Variants in PCCA observed in about 807,000 individuals in gnomAD.
The protein encoded by PCCA is propionyl-CoA carboxylase subunit alpha, also known as propionyl-CoA carboxylase alpha chain, mitochondrial.
In PCCA, 74 loss-of-function variants were observed where a neutral mutation model predicts 101.3. That is an observed-to-expected ratio of 0.73 (90% CI 0.61 to 0.89). The LOEUF is 0.89. Ranked by LOEUF, PCCA falls within the 40% of genes least tolerant of loss-of-function variation. The pLI, the probability that PCCA is intolerant of heterozygous loss-of-function variation, is 0.00. For missense variants in PCCA, 891 were observed against 907.0 expected, an observed-to-expected ratio of 0.98 and a Z score of 0.23; for synonymous variants, 294 against 313.6, an observed-to-expected ratio of 0.94 and a Z score of 0.66.
chr13:100,153,719 G>A (rs1448566745), intron 4 of PCCA, among the ~76,000 whole-genome samples: 3 of 152,090 alleles, frequency 2.0e-5, no homozygotes, highest in Non-Finnish European at 4.4e-5. Context: ...TGAACACAGG[G>A]ATATTTAGAA....
chr13:100,398,910 TG>T (rs1489020820), intron 19 of PCCA, among the ~76,000 whole-genome samples: 1 of 152,192 alleles, frequency 6.6e-6, no homozygotes, highest in Non-Finnish European at 1.5e-5. Flanking sequence ...TGAAGCATTT[TG>T]ATTCAAGAAG....
chr13:100,491,824 T>A, intron 21 of PCCA: 1 of 1,018,674 alleles, frequency 9.8e-7, no homozygotes. Context: ...GGTCCCTTTT[T>A]TTCTCTATTT....
chr13:100,398,309 A>T (rs1339411366), intron 19 of PCCA, among the ~76,000 whole-genome samples: 1 of 152,228 alleles, frequency 6.6e-6, no homozygotes, highest in Non-Finnish European at 1.5e-5. Context: ...AAATGATCAT[A>T]TATGCATACC....
At chr13:100,213,129 A>G (rs2059323046) in intron 7 of PCCA, among the ~76,000 whole-genome samples, 1 of 152,176 alleles carries the variant, frequency 6.6e-6, no homozygotes, top group Non-Finnish European at 1.5e-5. Flanking sequence ...TTAAAAATCC[A>G]TTCGTCTGTT....
At chr13:100,232,145 C>G (rs1252144462) in intron 7 of PCCA, among the ~76,000 whole-genome samples, 1 of 152,168 alleles carries the variant, frequency 6.6e-6, no homozygotes, top group Non-Finnish European at 1.5e-5. Context: ...CTGGCCAGAA[C>G]AGGGCCACGC....
At chr13:100,301,399 G>A in intron 12 of PCCA, 61 bp from the exon 13 acceptor site, 2 of 1,590,164 alleles carry the variant, frequency 1.3e-6, no homozygotes. Flanking sequence ...GATTTTTCTT[G>A]TTTGTTTCTA....
At chr13:100,399,285 T>C (rs577628324) in intron 19 of PCCA, among the ~76,000 whole-genome samples, 1 of 152,266 alleles carries the variant, frequency 6.6e-6, no homozygotes, top group Admixed American at 6.5e-5. Context: ...TATATTTTTG[T>C]TTGGCGTGAA....
chr13:100,311,383 A>G (rs910364573), intron 16 of PCCA, among the ~76,000 whole-genome samples: 7 of 152,188 alleles, frequency 4.6e-5, no homozygotes, highest in Non-Finnish European at 8.8e-5. Flanking sequence ...GGTTAAGTAT[A>G]TAAAGGGCTT....
In PCCA at chr13:100,527,851, G is replaced by A. The variant is rs546772273; in HGVS notation, c.2118+99G>A. 241 of 886,804 alleles carry A rather than the reference G, an allele frequency of 2.7e-4. 1 individual carries two copies. Among genetic ancestry groups the A allele is most frequent in the South Asian group, 7.0e-4 (54 of 76,622 alleles). 54.9% of individuals were successfully genotyped at this position (886,804 alleles called of 1,614,324 possible). On this transcript the variant is annotated intron_variant, in intron 23 of 23. Transcript: ENST00000376285. ...TTTGGCTGGAAAGGGCCACAGAGGC[G>A]CCCTCTCCCCCTCGCTTCTACAGAG... is the stretch of plus-strand genomic sequence containing the variant.
chr13:100,302,247 C>T (rs987156007), intron 13 of PCCA, among the ~76,000 whole-genome samples: 4 of 151,896 alleles, frequency 2.6e-5, no homozygotes, highest in South Asian at 2.1e-4. Context: ...TTTTACTTTT[C>T]GACATCAAAA....
At chr13:100,272,708 C>T (rs1319585739) in intron 11 of PCCA, among the ~76,000 whole-genome samples, 1 of 152,194 alleles carries the variant, frequency 6.6e-6, no homozygotes, top group African/African-American at 2.4e-5. Context: ...TTTTTCACCT[C>T]TCTGCACTTG....
At chr13:100,414,428 GTGTTA>G (rs2078229194) in intron 19 of PCCA, among the ~76,000 whole-genome samples, 1 of 152,168 alleles carries the variant, frequency 6.6e-6, no homozygotes, top group East Asian at 1.9e-4. Context: ...TCCCCTTTTT[GTGTTA>G]TGTTAAGGTT....
chr13:100,131,241 G>T (rs774120002), intron 4 of PCCA, among the ~76,000 whole-genome samples: 1 of 152,172 alleles, frequency 6.6e-6, no homozygotes, highest in Non-Finnish European at 1.5e-5. Context: ...CTAATCTGGT[G>T]CCAGAAGTGT....
chr13:100,434,947 C>T (rs778401457), intron 20 of PCCA, among the ~76,000 whole-genome samples: 22 of 152,334 alleles, frequency 1.4e-4, no homozygotes, highest in Middle Eastern at 3.4e-3. Flanking sequence ...ACTGGTCCCA[C>T]AGCTTCCTAG....
intron 19 of PCCA, among the ~76,000 whole-genome samples, chr13:100,412,103 T>C (rs1407842143): frequency 6.6e-6 from 1 of 152,200 alleles, no homozygotes; most frequent in Non-Finnish European, 1.5e-5. Context: ...GTTGGTAATA[T>C]TGGGTTAATA....
At chr13:100,155,139 A>C (rs200230882) in intron 5 of PCCA, 47 bp downstream of exon 5, 4 of 1,185,912 alleles carry the variant, frequency 3.4e-6, no homozygotes, top group East Asian at 2.3e-5. Flanking sequence ...ATATGTAGTG[A>C]GCAGAAAGCT....
chr13:100,150,786 C>G, intron 4 of PCCA: 1 of 1,587,170 alleles, frequency 6.3e-7, no homozygotes, highest in Non-Finnish European at 8.6e-7. Flanking sequence ...CCAGCTTGCT[C>G]CTCTGCAACG....
rs570841973 is a variant in PCCA, at chr13:100,118,329, A to G, written c.300+6268A>G. 2.4e-4 allele frequency among the ~76,000 whole-genome samples: 37 copies of G among 151,876 alleles called. 1 individual carries two copies. The South Asian group carries it at 7.5e-3, about 31-fold the overall frequency. On this transcript the variant is annotated intron_variant, in intron 4 of 23. Coordinates refer to ENST00000376285, the MANE Select transcript of PCCA (RefSeq NM_000282.4). ...GTTGACCCCAGTTGTCCTTTTTAAT[A>G]TTTTTCTTTGATCCACAGTTCAATC...
At chr13:100,148,717 C>A (rs1000518516) in intron 4 of PCCA, among the ~76,000 whole-genome samples, 1 of 152,070 alleles carries the variant, frequency 6.6e-6, no homozygotes, top group African/African-American at 2.4e-5. Context: ...AGCAAAAAAA[C>A]CCCAAAACAC....
Sources: allele counts gnomAD v4.1 joint callset (sites outside exome capture counted in the v4.1 genomes callset), GRCh38; gene constraint gnomAD v4.1.1; transcripts MANE v1.5; gene names NCBI Gene and HGNC (gene_info 2026-07-23, HGNC 2026-07-21).